Variants in DLGAP2 observed in about 807,000 individuals in gnomAD.
The protein encoded by DLGAP2 is disks large-associated protein 2.
A neutral mutation model predicts 100.3 loss-of-function variants in DLGAP2; 26 were observed. The observed-to-expected ratio is 0.26, with a 90% confidence interval of 0.19 to 0.36. The LOEUF (loss-of-function observed/expected upper bound fraction) is 0.36. DLGAP2 is among the 10% of genes least tolerant of loss of function. The pLI is 1.00. For synonymous variants in DLGAP2, 886 were observed against 630.1 expected, an observed-to-expected ratio of 1.41 and a Z score of -6.08; for missense variants, 1,858 against 1,453.2, an observed-to-expected ratio of 1.28 and a Z score of -4.53.
At chr8:832,921 T>C (rs1796808101) in intron 1 of DLGAP2, among the ~76,000 whole-genome samples, 1 of 152,178 alleles carries the variant, frequency 6.6e-6, no homozygotes, top group African/African-American at 2.4e-5. Context: ...CAGTTCTTTG[T>C]AATGGGATGA....
chr8:1,380,452 C>G lies in DLGAP2; in HGVS notation c.107-120914C>G, dbSNP rs945031704. 3.9e-5 allele frequency: 6 copies of G among 152,162 alleles called. 1 individual carries two copies. The highest frequency in any genetic ancestry group is 1.4e-4 in the African/African-American group (6 of 41,432). The allele number at this position is 152,162 out of a possible 1,614,324, so 9.4% of individuals were successfully genotyped here. A position where few individuals can be genotyped will look rare whatever the true frequency, so the allele number is the denominator to read the frequency against. On this transcript the variant is annotated intron_variant, in intron 3 of 14. Transcript: ENST00000637795. ...AGGAGACTTTGGAAAAGCACAAATT[C>G]GTGCATAAAACTCACCCCTCCAGTT...
At chr8:821,141 A>T (rs1796576435) in intron 1 of DLGAP2, among the ~76,000 whole-genome samples, 1 of 152,224 alleles carries the variant, frequency 6.6e-6, no homozygotes, top group African/African-American at 2.4e-5. Flanking sequence ...TTCTTACCTT[A>T]TTAGAATTTT....
intron 2 of DLGAP2, among the ~76,000 whole-genome samples, chr8:980,436 A>G (rs1477178362): frequency 6.6e-6 from 1 of 152,202 alleles, no homozygotes; most frequent in Non-Finnish European, 1.5e-5. Context: ...ACTGCATGTA[A>G]TCAGCCACAA....
rs1436961017 is a variant in DLGAP2 at position 1,275,870 on chromosome 8, A to G, written c.106+16987A>G. 3.8e-5 allele frequency among the ~76,000 whole-genome samples: 4 copies of G among 105,688 alleles called. No homozygotes were observed. The East Asian group carries it at 9.6e-4, about 25-fold the overall frequency. 69.3% of individuals were successfully genotyped at this position (105,688 alleles called of 152,430 possible). A position where few individuals can be genotyped will look rare whatever the true frequency, so the allele number is the denominator to read the frequency against. ...AAATATATATAATATATAAATATATATAATATATAAATAAATATATAATAT... is the reference window on the plus strand; with the variant it reads ...AAATATATATAATATATAAATATATGTAATATATAAATAAATATATAATAT... On this transcript the variant is annotated intron_variant, in intron 3 of 14. Transcript: ENST00000637795.
At chr8:1,598,628 C>G (rs1284988934) in intron 6 of DLGAP2, among the ~76,000 whole-genome samples, 1 of 152,072 alleles carries the variant, frequency 6.6e-6, no homozygotes, top group East Asian at 1.9e-4. Flanking sequence ...TCAGTTTCTT[C>G]TAGATTTTCT....
intron 2 of DLGAP2, among the ~76,000 whole-genome samples, chr8:1,011,597 A>G (rs1801288135): frequency 6.7e-6 from 1 of 148,986 alleles, no homozygotes; most frequent in Admixed American, 6.6e-5. Context: ...TGAGCCCTGG[A>G]CGAGGTTCCT....
chr8:1,387,675 G>T (rs145527370), intron 3 of DLGAP2, among the ~76,000 whole-genome samples: 3 of 152,312 alleles, frequency 2.0e-5, no homozygotes, highest in Non-Finnish European at 4.4e-5. Context: ...GCACTAAGTT[G>T]GGTCCTGGGT....
intron 2 of DLGAP2, among the ~76,000 whole-genome samples, chr8:931,981 G>A (rs1298829070): frequency 6.6e-6 from 1 of 152,118 alleles, no homozygotes; most frequent in African/African-American, 2.4e-5. Flanking sequence ...CCTCATGTAC[G>A]TTTTATTTGT....
In DLGAP2 at chr8:765,092, G is replaced by C. The variant is rs1821178070; in HGVS notation, c.18+27267G>C. Among the ~76,000 whole-genome samples the C allele has an allele frequency of 5.3e-5, 8 of 152,216 alleles. No individual in the cohort carries two copies. The South Asian group carries it at 1.7e-3, about 32-fold the overall frequency. ...ATTGGAGTATTGCAGAAAGGGACTT[G>C]AGGAAATGGGGCAGCTACAGTGGGT... On this transcript the variant is annotated intron_variant, in intron 1 of 14. Coordinates refer to ENST00000637795, the MANE Select transcript of DLGAP2 (RefSeq NM_001346810.2).
chr8:1,276,768 G>A (rs917648387), intron 3 of DLGAP2, among the ~76,000 whole-genome samples: 5 of 152,104 alleles, frequency 3.3e-5, no homozygotes, highest in Non-Finnish European at 7.4e-5. Context: ...AAAACGTAAA[G>A]TTGTTTTCAT....
rs1229810000 is a variant in DLGAP2 at position 819,985 on chromosome 8, A to G, written c.18+82160A>G. 3.3e-5 allele frequency among the ~76,000 whole-genome samples: 5 copies of G among 152,368 alleles called. No homozygotes were observed. The East Asian group carries it at 9.6e-4, about 29-fold the overall frequency. The stretch of plus-strand genomic sequence containing the variant: ...AAGAACAAATTCACAAGATTGTTCA[A>G]TAAGATGTGTTAGAGAAAAAAATGA... On this transcript the variant is annotated intron_variant, in intron 1 of 14. Coordinates refer to ENST00000637795, the MANE Select transcript of DLGAP2 (RefSeq NM_001346810.2).
intron 2 of DLGAP2, among the ~76,000 whole-genome samples, chr8:961,347 G>A (rs1055846486): frequency 3.3e-5 from 5 of 150,184 alleles, no homozygotes; most frequent in African/African-American, 1.2e-4. Flanking sequence ...TTGGATCCAA[G>A]AACCGTCCAG....
chr8:1,359,472 T>A (rs567484775), intron 3 of DLGAP2, among the ~76,000 whole-genome samples: 1 of 152,260 alleles, frequency 6.6e-6, no homozygotes, highest in South Asian at 2.1e-4. Flanking sequence ...GGGACACGGG[T>A]GGTGCAGAGC....
At chr8:966,153 C>T (rs934855008) in intron 2 of DLGAP2, among the ~76,000 whole-genome samples, 6 of 152,182 alleles carry the variant, frequency 3.9e-5, no homozygotes, top group Middle Eastern at 3.2e-3. Flanking sequence ...GCACAGTAAA[C>T]GCAGCTGTAA....
intron 8 of DLGAP2, among the ~76,000 whole-genome samples, chr8:1,662,662 C>G (rs937408684): frequency 1.2e-4 from 18 of 152,282 alleles, no homozygotes; most frequent in Non-Finnish European, 2.4e-4. Flanking sequence ...TCCACCTTCT[C>G]TTCCAAGATA....
intron 2 of DLGAP2, among the ~76,000 whole-genome samples, chr8:1,094,376 A>G (rs1804296940): frequency 1.3e-5 from 2 of 152,252 alleles, no homozygotes; most frequent in African/African-American, 4.8e-5. Context: ...TCCACGGTGA[A>G]GTGCAGAGAT....
At chr8:1,138,622 C>T (rs774917595) in intron 2 of DLGAP2, among the ~76,000 whole-genome samples, 21 of 152,230 alleles carry the variant, frequency 1.4e-4, no homozygotes, top group Non-Finnish European at 2.1e-4. Context: ...ACATTCCCAA[C>T]GAATTCCGTC....
intron 2 of DLGAP2, among the ~76,000 whole-genome samples, chr8:1,163,326 C>A (rs956568514): frequency 2.6e-5 from 4 of 152,240 alleles, no homozygotes; most frequent in African/African-American, 9.6e-5. Flanking sequence ...CCCCTGCCTG[C>A]TGCCGGCCTT....
At chr8:1,178,541 G>C (rs1797310121) in intron 2 of DLGAP2, among the ~76,000 whole-genome samples, 1 of 152,140 alleles carries the variant, frequency 6.6e-6, no homozygotes, top group South Asian at 2.1e-4. Context: ...TTTCAACTGG[G>C]ATTTAACGAA....
Sources: allele counts gnomAD v4.1 joint callset (sites outside exome capture counted in the v4.1 genomes callset), GRCh38; gene constraint gnomAD v4.1.1; transcripts MANE v1.5; gene names NCBI Gene and HGNC (gene_info 2026-07-23, HGNC 2026-07-21).